Variants in QSOX2 observed in about 807,000 individuals in gnomAD.
The protein encoded by QSOX2 is sulfhydryl oxidase 2.
A neutral mutation model predicts 61.7 loss-of-function variants in QSOX2; 46 were observed. The ratio of observed to expected loss-of-function variants is 0.75; its 90% CI spans 0.59 to 0.95. The LOEUF (loss-of-function observed/expected upper bound fraction) is 0.95, where lower values mean the gene tolerates loss of function less well. QSOX2 is among the 40% of genes least tolerant of loss of function. The pLI is 0.00. For synonymous variants in QSOX2, 383 were observed against 388.4 expected (o/e 0.99, Z 0.16); for missense variants, 879 against 918.9 (o/e 0.96, Z 0.56).
intron 6 of QSOX2, among the ~76,000 whole-genome samples, chr9:136,220,997 T>C (rs1831974067): frequency 6.6e-6 from 1 of 152,192 alleles, no homozygotes; most frequent in African/African-American, 2.4e-5. Flanking sequence ...TCTAACCTGA[T>C]TCAAGTTGTT....
rs968889090 is a variant in QSOX2 at position 136,210,904 on chromosome 9, A to G, written c.1549+360T>C. 8.1e-6 allele frequency: 8 copies of G among 985,058 alleles called. No individual in the cohort carries two copies. In the African/African-American group the frequency reaches 1.4e-4, roughly 17 times the overall value. The allele number at this position is 985,058 out of a possible 1,614,324, so 61.0% of individuals were successfully genotyped here. ...TTGGACAACAGATTTCCATACTACT[A>G]AAATTCCTCATCAAAAATTAATTAC... is the stretch of plus-strand genomic sequence containing the variant. On this transcript the variant is annotated intron_variant, in intron 11 of 11. Coordinates refer to ENST00000358701, the MANE Select transcript of QSOX2 (RefSeq NM_181701.4).
At position 136,245,795 on chromosome 9, in the gene QSOX2, C is replaced by T. The variant is rs1554758492; in HGVS notation, c.9G>A (p.Ala3=). 2 of 1,157,264 alleles carry T rather than the reference C, an allele frequency of 1.7e-6. No homozygotes were observed. Among genetic ancestry groups the T allele is most frequent in the Non-Finnish European group, 2.1e-6 (2 of 936,858 alleles). 71.7% of individuals were successfully genotyped at this position (1,157,264 alleles called of 1,614,324 possible). ...GGCTGCGCGCCACCGCCGCCCCGGCCGCCGCCATGTTGGAAGTGCCGCCGG... is the reference window on the plus strand; with the variant it reads ...GGCTGCGCGCCACCGCCGCCCCGGCTGCCGCCATGTTGGAAGTGCCGCCGG... MA[A]AGAAVARSPG... The change falls in exon 1 of 12, where the codon GCG becomes GCA. Residue 3 remains alanine, a synonymous_variant. Coordinates refer to ENST00000358701, the MANE Select transcript of QSOX2 (RefSeq NM_181701.4).
chr9:136,237,033 G>A lies in QSOX2; in HGVS notation c.328+8443C>T, dbSNP rs554519060. 2.6e-3 allele frequency among the ~76,000 whole-genome samples: 333 copies of A among 127,366 alleles called. 2 individuals carry two copies. Among genetic ancestry groups the A allele is most frequent in the Non-Finnish European group, 3.5e-3 (217 of 62,432 alleles). The allele number at this position is 127,366 out of a possible 152,430, so 83.6% of individuals were successfully genotyped here. On this transcript the variant is annotated intron_variant, in intron 1 of 11. Coordinates refer to ENST00000358701, the MANE Select transcript of QSOX2 (RefSeq NM_181701.4). ...CCTGGGCCGGTGTCACCTGGAGCCTGTCCTGTGCCACACCTGGTGCCCGTC... is the reference window on the plus strand; with the variant it reads ...CCTGGGCCGGTGTCACCTGGAGCCTATCCTGTGCCACACCTGGTGCCCGTC...
intron 9 of QSOX2, 33 bp downstream of exon 9, chr9:136,216,567 T>TC: frequency 1.2e-6 from 2 of 1,610,934 alleles, no homozygotes; most frequent in South Asian, 2.2e-5. Flanking sequence ...GGAAGGAGGG[T>TC]GCAGCGTGGC....
intron 11 of QSOX2, chr9:136,210,018 A>G (rs1831826613): frequency 3.0e-6 from 3 of 985,336 alleles, no homozygotes; most frequent in Middle Eastern, 5.2e-4. Flanking sequence ...TGTAAACACA[A>G]CCACGTTTGT....
Position 136,209,801 on chromosome 9 carries a change from C to T in QSOX2, c.1550-526G>A. ...GCAGAGGGGCAGCAATGAATTTCCA[C>T]TGCACTTCAGGTACACTGGCCCTTT... On this transcript the variant is annotated intron_variant, in intron 11 of 11. Coordinates refer to ENST00000358701, the MANE Select transcript of QSOX2 (RefSeq NM_181701.4). The surrounding 1 kb of genome is among the most constrained non-coding windows in gnomAD (Gnocchi z 5.6). The T allele has an allele frequency of 1.0e-6, 1 of 985,302 alleles. No homozygotes were observed. The highest frequency in any genetic ancestry group is 1.7e-5 in the African/African-American group (1 of 57,344). The allele number at this position is 985,302 out of a possible 1,614,324, so 61.0% of individuals were successfully genotyped here.
chr9:136,214,673 A>C (rs1268420118), intron 10 of QSOX2, among the ~76,000 whole-genome samples: 1 of 152,152 alleles, frequency 6.6e-6, no homozygotes, highest in Non-Finnish European at 1.5e-5. Context: ...CTGCAGCCTG[A>C]CCAATCCTGA....
At chr9:136,212,188 C>A (rs1256933761) in intron 10 of QSOX2, among the ~76,000 whole-genome samples, 1 of 152,224 alleles carries the variant, frequency 6.6e-6, no homozygotes, top group Non-Finnish European at 1.5e-5. Context: ...TGGCAGGAAG[C>A]AGCCAGCACC....
In QSOX2 at chr9:136,209,302, C is replaced by CA. The variant is rs1470937228; in HGVS notation, c.1550-28dup. On this transcript the variant is annotated intron_variant, in intron 11 of 11. Transcript: ENST00000358701. This position sits in a 1 kb window ranked among gnomAD's most constrained non-coding sequence, Gnocchi z 5.6. ...TAGGAAGAAAAGGAAGCGGGAGAGC[C>CA]AGAGGGAAGGAGGCTTTGTGCAGCC... 6.9e-6 allele frequency: 11 copies of CA among 1,601,492 alleles called. No homozygotes were observed. The African/African-American group carries it at 9.4e-5, about 14-fold the overall frequency.
chr9:136,243,306 ACG>A (rs1232234584), intron 1 of QSOX2, among the ~76,000 whole-genome samples: 1 of 152,162 alleles, frequency 6.6e-6, no homozygotes, highest in African/African-American at 2.4e-5. Context: ...GAGACATTTA[ACG>A]AGTCTGACAG....
rs1564287823 is a variant in QSOX2 at position 136,208,218 on chromosome 9, CG to C, written c.*509del. On this transcript the variant is annotated 3_prime_UTR_variant, in exon 12 of 12. Coordinates refer to ENST00000358701, the MANE Select transcript of QSOX2 (RefSeq NM_181701.4). ...GCTTCCGGCTCTGTCTGTCCCCGCC[CG>C]GCTAAAGGAAAACACTTGGCAGCCT... 1 of 130,868 alleles carries C rather than the reference CG, an allele frequency of 7.6e-6. No homozygotes were observed. The highest frequency in any genetic ancestry group is 1.6e-5 in the Non-Finnish European group (1 of 62,320). 8.1% of individuals were successfully genotyped at this position (130,868 alleles called of 1,614,324 possible).
intron 1 of QSOX2, among the ~76,000 whole-genome samples, chr9:136,231,628 G>A (rs986701858): frequency 8.5e-5 from 13 of 152,226 alleles, no homozygotes; most frequent in Admixed American, 2.6e-4. Flanking sequence ...GCGAAATGAC[G>A]CGGCAGAAGG....
Position 136,208,701 on chromosome 9 carries a change from C to T in QSOX2, c.*27G>A. The T allele has an allele frequency of 6.3e-7, 1 of 1,582,794 alleles. No individual in the cohort carries two copies. Among genetic ancestry groups the T allele is most frequent in the Non-Finnish European group, 8.6e-7 (1 of 1,161,254 alleles). ...GGCAGGGCTGCCTCCAAGGGAGCTTCCGCCGTGGCTGGCAGCACCCGGGCA... is the reference window on the plus strand; with the variant it reads ...GGCAGGGCTGCCTCCAAGGGAGCTTTCGCCGTGGCTGGCAGCACCCGGGCA... On this transcript the variant is annotated 3_prime_UTR_variant, in exon 12 of 12. Coordinates refer to ENST00000358701, the MANE Select transcript of QSOX2 (RefSeq NM_181701.4).
chr9:136,229,591 C>T (rs996314253), intron 1 of QSOX2, among the ~76,000 whole-genome samples: 5 of 152,176 alleles, frequency 3.3e-5, no homozygotes, highest in Non-Finnish European at 7.3e-5. Context: ...ACTGCACACA[C>T]AACAGAATCA....
chr9:136,210,524 C>G, intron 11 of QSOX2: 2 of 985,398 alleles, frequency 2.0e-6, no homozygotes, highest in African/African-American at 3.5e-5. Flanking sequence ...GCTGCCAGGG[C>G]GGAGAGACGG....
At chr9:136,229,943 G>A (rs1372580648) in intron 1 of QSOX2, among the ~76,000 whole-genome samples, 4 of 152,202 alleles carry the variant, frequency 2.6e-5, no homozygotes, top group Admixed American at 1.3e-4. Context: ...GGTGAAGGCC[G>A]CTTGGACAGT....
intron 8 of QSOX2, among the ~76,000 whole-genome samples, chr9:136,217,659 C>T (rs1463572319): frequency 6.6e-6 from 1 of 152,240 alleles, no homozygotes; most frequent in Non-Finnish European, 1.5e-5. Context: ...CCTAACTAGA[C>T]TAAGGGGAAG....
In QSOX2 at chr9:136,213,640, A is replaced by G. The variant is rs536885834; in HGVS notation, c.1360+1514T>C. Among the ~76,000 whole-genome samples, 3 of 151,714 alleles carry G rather than the reference A, an allele frequency of 2.0e-5. No individual in the cohort carries two copies. In the East Asian group the frequency reaches 5.8e-4, roughly 30 times the overall value. On this transcript the variant is annotated intron_variant, in intron 10 of 11. Coordinates refer to ENST00000358701, the MANE Select transcript of QSOX2 (RefSeq NM_181701.4). ...GGCCAAAACAGATTTTCAGAAGGCC[A>G]CTATAGTGCCCCCATCCCGGGACAC...
In QSOX2 at chr9:136,209,862, G is replaced by A. The variant is rs567483184; in HGVS notation, c.1550-587C>T. 9 of 985,370 alleles carry A rather than the reference G, an allele frequency of 9.1e-6. No homozygotes were observed. The South Asian group carries it at 1.9e-4, about 21-fold the overall frequency. 61.0% of individuals were successfully genotyped at this position (985,370 alleles called of 1,614,324 possible). ...AATCCCTTCAAGATCTCCAAAACTC[G>A]TTTCTGAAGTGACATGTGCTCACTT... On this transcript the variant is annotated intron_variant, in intron 11 of 11. Transcript: ENST00000358701. The surrounding 1 kb of genome is among the most constrained non-coding windows in gnomAD (Gnocchi z 5.6).
Sources: allele counts gnomAD v4.1 joint callset (sites outside exome capture counted in the v4.1 genomes callset), GRCh38; gene constraint gnomAD v4.1.1; non-coding constraint Gnocchi (gnomAD v3.1); transcripts MANE v1.5; gene names NCBI Gene and HGNC (gene_info 2026-07-23, HGNC 2026-07-21).